PELI2: variants seen among roughly 807,000 people sequenced by gnomAD.
The protein encoded by PELI2 is pellino E3 ubiquitin protein ligase family member 2, also known as E3 ubiquitin-protein ligase pellino homolog 2.
A neutral mutation model predicts 42.3 loss-of-function variants in PELI2; 23 were observed. That is an observed-to-expected ratio of 0.54 (90% CI 0.39 to 0.77). The LOEUF is 0.77. Among genes scored for constraint, PELI2 ranks in the 30% least tolerant of loss-of-function variants. The pLI is 0.00. For synonymous variants in PELI2, 245 were observed against 212.2 expected, an observed-to-expected ratio of 1.15 and a Z score of -1.34; for missense variants, 463 against 553.2, an observed-to-expected ratio of 0.84 and a Z score of 1.64.
chr14:56,177,975 G>A (rs1301331885), intron 1 of PELI2, among the ~76,000 whole-genome samples: 1 of 152,188 alleles, frequency 6.6e-6, no homozygotes, highest in Admixed American at 6.5e-5. Flanking sequence ...TTTCTCAAGT[G>A]TATCTCTGGG....
At chr14:56,200,762 GT>G (rs1245996249) in intron 2 of PELI2, among the ~76,000 whole-genome samples, 1 of 152,150 alleles carries the variant, frequency 6.6e-6, no homozygotes, top group Non-Finnish European at 1.5e-5. Context: ...CTGTTAGACT[GT>G]TTTTAATATC....
chr14:56,275,364 C>T (rs1330343413), intron 2 of PELI2, among the ~76,000 whole-genome samples: 3 of 152,090 alleles, frequency 2.0e-5, no homozygotes, highest in African/African-American at 2.4e-5. Context: ...GATTCAAGCA[C>T]GTTACATTTG....
intron 5 of PELI2, among the ~76,000 whole-genome samples, chr14:56,295,414 C>G (rs1482719799): frequency 2.6e-5 from 4 of 152,228 alleles, no homozygotes; most frequent in Admixed American, 2.6e-4. Context: ...TCATCAAACT[C>G]CCTGTTGCTC....
At position 56,175,936 on chromosome 14, in the gene PELI2, C is replaced by T. The variant is rs1329479769; in HGVS notation, c.78-2399C>T. Among the ~76,000 whole-genome samples the T allele has an allele frequency of 2.0e-5, 3 of 152,186 alleles. No homozygotes were observed. In the East Asian group the frequency reaches 5.8e-4, roughly 29 times the overall value. ...TCCTTCTTCACTTTGTCTGCTTTTT[C>T]AGCCATATAACACTTTATGACATCC... On this transcript the variant is annotated intron_variant, in intron 1 of 5. Transcript: ENST00000267460.
intron 2 of PELI2, among the ~76,000 whole-genome samples, chr14:56,220,198 G>A (rs1184904598): frequency 6.6e-6 from 1 of 152,182 alleles, no homozygotes; most frequent in East Asian, 1.9e-4. Flanking sequence ...ACTGTTGCCA[G>A]TGCCCAGGTG....
chr14:56,145,001 G>T (rs966052601), intron 1 of PELI2: 3 of 979,234 alleles, frequency 3.1e-6, no homozygotes, highest in Non-Finnish European at 3.6e-6. Flanking sequence ...AGACCAAAAG[G>T]TGGGTGTTAG....
At position 56,143,898 on chromosome 14, in the gene PELI2, G is replaced by A. The variant is rs1294761910; in HGVS notation, c.77+25161G>A. ...GCCTCATTTCCTTTTATTGGAAGAT[G>A]ATATTTAGAAGTCAGGATCTGGGTG... On this transcript the variant is annotated intron_variant, in intron 1 of 5. Transcript: ENST00000267460. Among the ~76,000 whole-genome samples, 7 of 152,212 alleles carry A rather than the reference G, an allele frequency of 4.6e-5. No individual in the cohort carries two copies. The East Asian group carries it at 9.7e-4, about 21-fold the overall frequency.
intron 2 of PELI2, among the ~76,000 whole-genome samples, chr14:56,272,272 T>C (rs1210905213): frequency 6.6e-6 from 1 of 152,210 alleles, no homozygotes; most frequent in African/African-American, 2.4e-5. Context: ...AAAGACTTCA[T>C]AATAGAAAAA....
intron 2 of PELI2, among the ~76,000 whole-genome samples, chr14:56,254,863 T>G (rs1466236870): frequency 6.6e-6 from 1 of 152,228 alleles, no homozygotes; most frequent in African/African-American, 2.4e-5. Flanking sequence ...AAGACATTTA[T>G]GCAGCCAACA....
rs184464247 is a variant in PELI2 at position 56,266,136 on chromosome 14, C to T, written c.208-13540C>T. 5.5e-3 allele frequency among the ~76,000 whole-genome samples: 842 copies of T among 152,062 alleles called. 9 individuals carry two copies. The highest frequency in any genetic ancestry group is 0.018 in the African/African-American group (759 of 41,534). The stretch of plus-strand genomic sequence containing the variant: ...CAAACATTTGGGTAATATTTCTAAA[C>T]ATAAAGCCAAAATCATAGAAATACT... On this transcript the variant is annotated intron_variant, in intron 2 of 5. Coordinates refer to ENST00000267460, the MANE Select transcript of PELI2 (RefSeq NM_021255.3).
At chr14:56,119,690 C>G (rs1228272243) in intron 1 of PELI2, 1 of 817,580 alleles carries the variant, frequency 1.2e-6, no homozygotes, top group African/African-American at 1.9e-5. Flanking sequence ...ATATAGTGGG[C>G]AGTGAAAGGG....
chr14:56,289,855 T>G (rs1228571352), intron 4 of PELI2, among the ~76,000 whole-genome samples: 1 of 152,226 alleles, frequency 6.6e-6, no homozygotes, highest in Admixed American at 6.5e-5. Context: ...TGACTGTCCT[T>G]TCTCTTCTCT....
intron 2 of PELI2, among the ~76,000 whole-genome samples, chr14:56,248,148 A>C (rs1161313794): frequency 6.6e-6 from 1 of 152,220 alleles, no homozygotes; most frequent in Non-Finnish European, 1.5e-5. Flanking sequence ...GTTGATTTAA[A>C]CCATTAAAAG....
At chr14:56,208,988 A>G (rs1886616536) in intron 2 of PELI2, among the ~76,000 whole-genome samples, 1 of 152,218 alleles carries the variant, frequency 6.6e-6, no homozygotes, top group Non-Finnish European at 1.5e-5. Flanking sequence ...CCAAGACTTG[A>G]CAGTTCCGAA....
chr14:56,141,922 G>C (rs188287535), intron 1 of PELI2, among the ~76,000 whole-genome samples: 2 of 152,168 alleles, frequency 1.3e-5, no homozygotes, highest in Non-Finnish European at 2.9e-5. Flanking sequence ...TTGTACAAAG[G>C]CCTTGATAAA....
At chr14:56,226,049 A>G (rs1350010304) in intron 2 of PELI2, among the ~76,000 whole-genome samples, 1 of 151,174 alleles carries the variant, frequency 6.6e-6, no homozygotes, top group Non-Finnish European at 1.5e-5. Flanking sequence ...GAAGGTTGCC[A>G]AAGGAAGACC....
At chr14:56,274,363 T>G (rs911441360) in intron 2 of PELI2, among the ~76,000 whole-genome samples, 1 of 152,218 alleles carries the variant, frequency 6.6e-6, no homozygotes, top group Non-Finnish European at 1.5e-5. Flanking sequence ...TGTGTTAGTT[T>G]CTCTATTGGC....
intron 1 of PELI2, among the ~76,000 whole-genome samples, chr14:56,157,441 C>T (rs537943684): frequency 2.4e-4 from 36 of 152,038 alleles, no homozygotes; most frequent in African/African-American, 8.4e-4. Flanking sequence ...GGGATGAATC[C>T]ATGTAGCATC....
chr14:56,200,070 T>C (rs970439822), intron 2 of PELI2, among the ~76,000 whole-genome samples: 17 of 152,258 alleles, frequency 1.1e-4, no homozygotes, highest in African/African-American at 3.9e-4. Flanking sequence ...GGAGCAACGA[T>C]TTAAAGACAG....
Sources: gnomAD v4.1 joint callset for allele counts (sites outside exome capture counted in the v4.1 genomes callset) on GRCh38, gnomAD v4.1.1 for gene constraint, MANE v1.5 for transcripts, NCBI Gene and HGNC (gene_info 2026-07-23, HGNC 2026-07-21) for gene names.